Variants in SCMH1 observed in about 807,000 individuals in gnomAD.
The protein encoded by SCMH1 is Scm polycomb group protein homolog 1.
Under a neutral mutation model 70.8 loss-of-function variants are expected in SCMH1, and 37 were observed. That is an observed-to-expected ratio of 0.52 (90% CI 0.40 to 0.69). The LOEUF (loss-of-function observed/expected upper bound fraction) is 0.69, where lower values mean the gene tolerates loss of function less well. Among genes scored for constraint, SCMH1 ranks in the 30% least tolerant of loss-of-function variants. The pLI, the probability that SCMH1 is intolerant of heterozygous loss-of-function variation, is 0.00. For synonymous variants in SCMH1, 292 were observed against 307.4 expected (o/e 0.95, Z 0.52); for missense variants, 607 against 827.3 (o/e 0.73, Z 3.27).
At chr1:41,158,761 G>T (rs972655980) in intron 4 of SCMH1, among the ~76,000 whole-genome samples, 5 of 152,252 alleles carry the variant, frequency 3.3e-5, no homozygotes, top group African/African-American at 1.2e-4. Flanking sequence ...AGGCAAAAAA[G>T]ACTAGTTAGG....
intron 5 of SCMH1, among the ~76,000 whole-genome samples, chr1:41,144,375 T>C (rs1312608378): frequency 6.6e-6 from 1 of 152,236 alleles, no homozygotes; most frequent in African/African-American, 2.4e-5. Context: ...AATATGTGAA[T>C]AGTTTCTTTC....
Position 41,239,115 on chromosome 1 carries a change from TA to T in SCMH1, c.-118+2943del, listed in dbSNP as rs142580257. Among the ~76,000 whole-genome samples the T allele has an allele frequency of 5.3e-3, 785 of 148,740 alleles. 7 individuals are homozygous for T. The highest frequency in any genetic ancestry group is 0.011 in the African/African-American group (460 of 40,184). On this transcript the variant is annotated intron_variant, in intron 1 of 14. Transcript: ENST00000337495. ...ACACCTTCCAGTGATTAAATAAAAA[TA>T]AAAAAAAAACACCTACTGAATTGAT...
chr1:41,161,541 G>T, intron 2 of SCMH1, 109 bp from the exon 3 acceptor site: 1 of 1,221,982 alleles, frequency 8.2e-7, no homozygotes, highest in Non-Finnish European at 1.1e-6. Context: ...CCACTTCCGA[G>T]ATTCTATGCT....
At chr1:41,049,473 TAA>T (rs915577733) in intron 10 of SCMH1, among the ~76,000 whole-genome samples, 1 of 144,822 alleles carries the variant, frequency 6.9e-6, no homozygotes, top group Non-Finnish European at 1.5e-5. Context: ...AAAATTGGAT[TAA>T]AAAAAAAAAA....
chr1:41,222,168 G>A (rs1557860225), intron 1 of SCMH1, among the ~76,000 whole-genome samples: 1 of 150,946 alleles, frequency 6.6e-6, no homozygotes. Flanking sequence ...GGAAGGAAGG[G>A]AAAGAAGAAA....
rs150706154 is a variant in SCMH1 at position 41,112,747 on chromosome 1, T to A, written c.745+536A>T. ...TTCATAAAGTAGGTTTTCTACTTCA[T>A]GATGTGGAATTTGTAGTTTAAGGAG... On this transcript the variant is annotated intron_variant, in intron 8 of 14. Transcript: ENST00000337495. 1.8e-3 allele frequency among the ~76,000 whole-genome samples: 269 copies of A among 152,296 alleles called. 2 individuals carry two copies. Among genetic ancestry groups the A allele is most frequent in the Non-Finnish European group, 1.3e-3 (90 of 68,012 alleles).
intron 6 of SCMH1, among the ~76,000 whole-genome samples, chr1:41,138,700 C>T (rs1418112926): frequency 6.6e-6 from 1 of 152,044 alleles, no homozygotes; most frequent in East Asian, 1.9e-4. Flanking sequence ...ACTTTTACAA[C>T]CTATGATTCA....
At chr1:41,202,253 C>G (rs553243922) in intron 1 of SCMH1, among the ~76,000 whole-genome samples, 9 of 152,122 alleles carry the variant, frequency 5.9e-5, no homozygotes, top group African/African-American at 2.2e-4. Flanking sequence ...CCAGGCTGGT[C>G]TCAAACTCCT....
chr1:41,132,298 GTGATGATGAGCATTTTTTCA>G (rs1239265472), intron 6 of SCMH1, among the ~76,000 whole-genome samples: 2 of 152,198 alleles, frequency 1.3e-5, no homozygotes, highest in African/African-American at 4.8e-5. Context: ...CTAATGACCA[GTGATGATGAGCATTTTTTCA>G]TGTGTCTGTT....
chr1:41,057,078 G>A (rs1326406159), intron 10 of SCMH1, among the ~76,000 whole-genome samples: 2 of 152,086 alleles, frequency 1.3e-5, no homozygotes, highest in East Asian at 1.9e-4. Context: ...GAGAAATACC[G>A]CACTCCAGGC....
At chr1:41,161,370 A>G in exon 3 of SCMH1, 1 of 1,550,540 alleles carries the variant, frequency 6.4e-7, no homozygotes, top group Non-Finnish European at 8.7e-7. Flanking sequence ...TTACCTTGAT[A>G]TTGGGATGCA....
At chr1:41,226,265 A>C (rs1322719357) in intron 1 of SCMH1, among the ~76,000 whole-genome samples, 1 of 152,228 alleles carries the variant, frequency 6.6e-6, no homozygotes, top group Non-Finnish European at 1.5e-5. Flanking sequence ...AACAGAAAAT[A>C]AAACTACCCT....
At chr1:41,157,940 T>C (rs1454463427) in intron 4 of SCMH1, among the ~76,000 whole-genome samples, 2 of 152,346 alleles carry the variant, frequency 1.3e-5, no homozygotes, top group Middle Eastern at 3.4e-3. Context: ...TGAAATTTAA[T>C]AGAGGCTCAA....
At chr1:41,081,819 T>TA (rs34212860) in intron 8 of SCMH1, among the ~76,000 whole-genome samples, 111,548 of 148,280 alleles carry the variant, frequency 0.75, 42,463 homozygotes, top group African/African-American at 0.89. Flanking sequence ...GACTCTGTCT[T>TA]AAAAAAAAAA....
intron 9 of SCMH1, among the ~76,000 whole-genome samples, chr1:41,071,623 GGGGA>G: frequency 6.6e-6 from 1 of 152,120 alleles, no homozygotes; most frequent in Non-Finnish European, 1.5e-5. Flanking sequence ...GCAGTTTTTG[GGGGA>G]GAAAGATCTC....
At chr1:41,204,866 T>C (rs1289389074) in intron 1 of SCMH1, among the ~76,000 whole-genome samples, 1 of 152,170 alleles carries the variant, frequency 6.6e-6, no homozygotes, top group East Asian at 1.9e-4. Flanking sequence ...AGATACTCAA[T>C]AGGTATTTAT....
intron 9 of SCMH1, 144 bp from the exon 10 acceptor site, chr1:41,070,865 T>A: frequency 2.0e-6 from 2 of 995,186 alleles, no homozygotes; most frequent in Middle Eastern, 2.1e-4. Context: ...GCATCTGGCT[T>A]AAAGCTATAC....
chr1:41,048,182 C>T (rs1372482398), intron 11 of SCMH1, among the ~76,000 whole-genome samples: 1 of 151,966 alleles, frequency 6.6e-6, no homozygotes, highest in African/African-American at 2.4e-5. Context: ...TCTGTGAGAG[C>T]AAAAAACACT....
chr1:41,159,644 T>A, intron 4 of SCMH1: 1 of 1,442,210 alleles, frequency 6.9e-7, no homozygotes, highest in East Asian at 2.6e-5. Flanking sequence ...CTACCACACA[T>A]CAGTACCTTA....
Sources: gnomAD v4.1 joint callset for allele counts (sites outside exome capture counted in the v4.1 genomes callset) on GRCh38, gnomAD v4.1.1 for gene constraint, MANE v1.5 for transcripts, NCBI Gene and HGNC (gene_info 2026-07-23, HGNC 2026-07-21) for gene names.